Variants in IGBP1C observed in about 807,000 individuals in gnomAD.
IGBP1C encodes the protein IGBP1 family member C.
the IGBP1C span, among the ~76,000 whole-genome samples, chr17:58,663,316 G>C: frequency 6.7e-6 from 1 of 148,528 alleles, no homozygotes; most frequent in South Asian, 2.1e-4. Flanking sequence ...CAGCTACTTG[G>C]GAGGCTGAGG....
At chr17:58,673,050 A>G in the IGBP1C span, among the ~76,000 whole-genome samples, 1 of 151,834 alleles carries the variant, frequency 6.6e-6, no homozygotes, top group Non-Finnish European at 1.5e-5. Context: ...TTTTATACAT[A>G]CTTTTTTTAA....
the IGBP1C span, among the ~76,000 whole-genome samples, chr17:58,665,611 CAAAA>C: frequency 1.3e-5 from 2 of 151,172 alleles, no homozygotes; most frequent in Non-Finnish European, 3.0e-5. Flanking sequence ...AAACAAAAAA[CAAAA>C]AAACCCACAA....
At chr17:58,668,804 A>C in the IGBP1C span, among the ~76,000 whole-genome samples, 2 of 152,192 alleles carry the variant, frequency 1.3e-5, no homozygotes, top group African/African-American at 4.8e-5. Flanking sequence ...AACTGGCCCA[A>C]GGGCTCTAGT....
the IGBP1C span, chr17:58,660,881 G>A: frequency 3.7e-6 from 3 of 801,370 alleles, no homozygotes; most frequent in South Asian, 2.7e-5. Context: ...TTTCATTGGA[G>A]GCCTCTTCTG....
the IGBP1C span, chr17:58,660,684 CT>C: frequency 1.3e-6 from 1 of 782,554 alleles, no homozygotes; most frequent in Non-Finnish European, 2.4e-6. Flanking sequence ...TCCTCCTTTT[CT>C]TGATCTTCCT....
At chr17:58,664,367 C>T in the IGBP1C span, among the ~76,000 whole-genome samples, 1 of 152,154 alleles carries the variant, frequency 6.6e-6, no homozygotes, top group African/African-American at 2.4e-5. Context: ...TGGGAGAACT[C>T]CATTTCTGAT....
chr17:58,690,163 T>A, the IGBP1C span, among the ~76,000 whole-genome samples: 1 of 149,988 alleles, frequency 6.7e-6, no homozygotes, highest in Admixed American at 6.7e-5. Flanking sequence ...TTGTTTTTTT[T>A]ATTTTGCTTT....
At chr17:58,691,318 G>A in the IGBP1C span, among the ~76,000 whole-genome samples, 12 of 151,918 alleles carry the variant, frequency 7.9e-5, no homozygotes, top group African/African-American at 2.9e-4. Flanking sequence ...AGAGGGCTCT[G>A]ATTTGCAATA....
chr17:58,670,246 C>G, the IGBP1C span, among the ~76,000 whole-genome samples: 1 of 152,060 alleles, frequency 6.6e-6, no homozygotes, highest in Admixed American at 6.6e-5. Flanking sequence ...TACAGACTGT[C>G]GAAGGACCTG....
At chr17:58,670,792 A>C in the IGBP1C span, among the ~76,000 whole-genome samples, 1 of 151,216 alleles carries the variant, frequency 6.6e-6, no homozygotes, top group African/African-American at 2.4e-5. Flanking sequence ...AAAAAAAAAA[A>C]AAAAAAAAGT....
chr17:58,660,490 G>A, the IGBP1C span: 1 of 698,830 alleles, frequency 1.4e-6, no homozygotes, highest in Non-Finnish European at 2.6e-6. Context: ...TTACACAGCT[G>A]TAGGGGAGCT....
At chr17:58,684,453 A>C in the IGBP1C span, among the ~76,000 whole-genome samples, 6 of 147,860 alleles carry the variant, frequency 4.1e-5, no homozygotes, top group Non-Finnish European at 7.5e-5. Context: ...CAAGAGCGAA[A>C]CTCCGTCCCA....
At chr17:58,663,812 C>T in the IGBP1C span, among the ~76,000 whole-genome samples, 1 of 152,158 alleles carries the variant, frequency 6.6e-6, no homozygotes, top group Non-Finnish European at 1.5e-5. Flanking sequence ...GAGCCAAATC[C>T]ATTCACTCCT....
chr17:58,660,986 A>C, the IGBP1C span: 1 of 1,168,434 alleles, frequency 8.6e-7, no homozygotes, highest in Non-Finnish European at 1.3e-6. Flanking sequence ...TTCTAAGCTG[A>C]TATCAATCCA....
At chr17:58,678,853 T>TAATAATAATAAA in the IGBP1C span, among the ~76,000 whole-genome samples, 239 of 146,766 alleles carry the variant, frequency 1.6e-3, 1 homozygote, top group African/African-American at 5.8e-3. Flanking sequence ...ATAATAATAA[T>TAATAATAATAAA]AAAAGAGAAG....
At chr17:58,662,405 C>T in the IGBP1C span, among the ~76,000 whole-genome samples, 2 of 129,748 alleles carry the variant, frequency 1.5e-5, no homozygotes, top group Non-Finnish European at 3.3e-5. Flanking sequence ...AGATATATAG[C>T]ACACATATCT....
At chr17:58,666,511 A>G in the IGBP1C span, 1 of 151,652 alleles carries the variant, frequency 6.6e-6, no homozygotes, top group Non-Finnish European at 1.5e-5. Flanking sequence ...CACAACTAAC[A>G]AAACTTGCAT....
the IGBP1C span, chr17:58,661,724 G>A: frequency 3.5e-6 from 2 of 574,214 alleles, no homozygotes; most frequent in South Asian, 4.6e-5. Flanking sequence ...GGGAGGCGGT[G>A]GCGTTGGGGG....
the IGBP1C span, among the ~76,000 whole-genome samples, chr17:58,673,770 G>A: frequency 6.6e-6 from 1 of 151,786 alleles, no homozygotes; most frequent in African/African-American, 2.4e-5. Flanking sequence ...TTGGGGTTAA[G>A]CCATGTTGCC....
Sources: allele counts gnomAD v4.1 joint callset (sites outside exome capture counted in the v4.1 genomes callset), GRCh38; gene constraint gnomAD v4.1.1; transcripts MANE v1.5; gene names NCBI Gene and HGNC (gene_info 2026-07-23, HGNC 2026-07-21).